PHIP: variants seen among roughly 807,000 people sequenced by gnomAD.
PHIP encodes the protein PHIP subunit of CUL4-Ring ligase complex.
PHIP carries 54 observed loss-of-function variants against 236.8 expected under a neutral mutation model. The observed-to-expected ratio is 0.23, with a 90% CI of 0.18 to 0.29. PHIP has a LOEUF of 0.29. Ranked by LOEUF, PHIP falls within the 10% of genes least tolerant of loss-of-function variation. PHIP has a pLI of 1.00. For synonymous variants in PHIP, 756 were observed against 718.9 expected (o/e 1.05, Z -0.83); for missense variants, 1,370 against 2,190.8 (o/e 0.63, Z 7.48).
chr6:78,941,210 T>C lies in PHIP; in HGVS notation c.4949A>G (p.Asn1650Ser), dbSNP rs767510206. The C allele has an allele frequency of 5.6e-6, 9 of 1,614,052 alleles. No individual in the cohort carries two copies. Among genetic ancestry groups the C allele is most frequent in the South Asian group, 2.2e-5 (2 of 91,070 alleles). ...GRKPKVEVNT[N>S]SGEIIHKKRG... ...TTTCTTGTGTATAATTTCACCACTATTGGTATTAACTTCTACTTTAGGTTT... is the reference window on the plus strand; with the variant it reads ...TTTCTTGTGTATAATTTCACCACTACTGGTATTAACTTCTACTTTAGGTTT... The change falls in exon 40 of 40, where the codon AAT (asparagine) becomes AGT (serine). Residue 1650 changes from asparagine (N) to serine (S), a missense_variant. Physicochemically the swap from Asn to Ser is conservative, Grantham distance 46. This residue lies in a region of PHIP where 309 missense variants were observed against 328.3 expected (regional missense o/e 0.94). Coordinates refer to ENST00000275034, the MANE Select transcript of PHIP (RefSeq NM_017934.7).
At chr6:78,974,692 T>A (rs990120437) in intron 24 of PHIP, among the ~76,000 whole-genome samples, 1 of 151,902 alleles carries the variant, frequency 6.6e-6, no homozygotes, top group African/African-American at 2.4e-5. Flanking sequence ...AAAGGGGATA[T>A]CACCACCGAT....
At chr6:78,970,702 A>T in intron 25 of PHIP, 79 bp downstream of exon 25, 1 of 884,020 alleles carries the variant, frequency 1.1e-6, no homozygotes, top group Non-Finnish European at 1.8e-6. Flanking sequence ...TATTGTGTTA[A>T]TAGTAACCTT....
At chr6:79,040,710 T>C (rs541060350) in intron 7 of PHIP, among the ~76,000 whole-genome samples, 2 of 152,190 alleles carry the variant, frequency 1.3e-5, no homozygotes, top group East Asian at 1.9e-4. Context: ...CTACCACCAC[T>C]TGAAGTGAAA....
intron 6 of PHIP, among the ~76,000 whole-genome samples, chr6:79,056,635 C>T (rs1773088578): frequency 6.6e-6 from 1 of 152,030 alleles, no homozygotes; most frequent in Non-Finnish European, 1.5e-5. Context: ...GCCAGGGATG[C>T]TAATAAACAT....
intron 6 of PHIP, among the ~76,000 whole-genome samples, chr6:79,044,972 A>G (rs1473046322): frequency 1.3e-5 from 2 of 152,164 alleles, no homozygotes; most frequent in African/African-American, 2.4e-5. Flanking sequence ...AAAAAGAATA[A>G]CCTTTTCAAA....
intron 9 of PHIP, among the ~76,000 whole-genome samples, chr6:79,023,647 T>G (rs773268206): frequency 1.3e-5 from 2 of 151,940 alleles, no homozygotes; most frequent in Admixed American, 6.6e-5. Context: ...CCTAATTATA[T>G]CTATATAAAA....
intron 6 of PHIP, among the ~76,000 whole-genome samples, chr6:79,049,074 C>CT (rs759656243): frequency 0.046 from 6,681 of 144,948 alleles, 148 homozygotes; most frequent in Middle Eastern, 0.069. Context: ...ACTAGTTTTA[C>CT]TTTTTTTTTT....
chr6:78,997,921 T>C (rs1388155134), intron 18 of PHIP, among the ~76,000 whole-genome samples: 1 of 152,208 alleles, frequency 6.6e-6, no homozygotes, highest in Non-Finnish European at 1.5e-5. Flanking sequence ...AGAGTATTAA[T>C]GGTTCATAAA....
intron 7 of PHIP, among the ~76,000 whole-genome samples, chr6:79,038,137 C>G (rs889807603): frequency 6.6e-6 from 1 of 152,222 alleles, no homozygotes; most frequent in African/African-American, 2.4e-5. Flanking sequence ...TAAAACAGAA[C>G]ATTTTTTGGT....
At chr6:78,955,191 A>G (rs2127691293) in intron 34 of PHIP, 41 bp downstream of exon 34, 2 of 1,371,712 alleles carry the variant, frequency 1.5e-6, no homozygotes, top group Non-Finnish European at 2.0e-6. Flanking sequence ...ATACATTTTA[A>G]TTCATATAAA....
chr6:79,076,124 C>A (rs1475443123), intron 4 of PHIP, among the ~76,000 whole-genome samples: 11 of 152,122 alleles, frequency 7.2e-5, no homozygotes, highest in Non-Finnish European at 2.9e-5. Flanking sequence ...ACCTCAGTAC[C>A]CTTGCTTATT....
intron 24 of PHIP, among the ~76,000 whole-genome samples, chr6:78,974,709 G>A (rs557538004): frequency 1.3e-5 from 2 of 152,268 alleles, no homozygotes; most frequent in South Asian, 4.2e-4. Context: ...CGATCCCACA[G>A]AAATACAAAC....
At chr6:78,982,473 C>T (rs1043193675) in intron 23 of PHIP, among the ~76,000 whole-genome samples, 12 of 151,962 alleles carry the variant, frequency 7.9e-5, no homozygotes, top group Non-Finnish European at 1.6e-4. Context: ...CATTTCTACT[C>T]TGTGTGATGT....
At chr6:79,008,171 C>A (rs1362765679) in intron 15 of PHIP, among the ~76,000 whole-genome samples, 5 of 149,604 alleles carry the variant, frequency 3.3e-5, no homozygotes, top group Admixed American at 3.3e-4. Context: ...AGCCTGGTGA[C>A]AGAGCAAGAC....
intron 35 of PHIP, among the ~76,000 whole-genome samples, chr6:78,949,675 ACT>A (rs1372219665): frequency 6.8e-6 from 1 of 147,810 alleles, no homozygotes; most frequent in African/African-American, 2.5e-5. Flanking sequence ...CTTTTCTGGG[ACT>A]CTTTTTTACT....
At chr6:79,044,099 C>A (rs1012762214) in intron 6 of PHIP, among the ~76,000 whole-genome samples, 1 of 151,980 alleles carries the variant, frequency 6.6e-6, no homozygotes. Context: ...CCGCTGCCCC[C>A]ACCCCAAACC....
intron 24 of PHIP, among the ~76,000 whole-genome samples, chr6:78,974,618 T>C (rs534540782): frequency 6.9e-4 from 105 of 152,166 alleles, no homozygotes; most frequent in Middle Eastern, 3.4e-3. Context: ...ACAAAATCGA[T>C]AGACCGCCAG....
At chr6:79,024,786 C>T (rs1229535918) in intron 9 of PHIP, among the ~76,000 whole-genome samples, 1 of 152,054 alleles carries the variant, frequency 6.6e-6, no homozygotes, top group African/African-American at 2.4e-5. Flanking sequence ...GCCTGGGCGA[C>T]ACAGTGAGAC....
At chr6:78,969,421 A>T (rs1005122100) in intron 27 of PHIP, among the ~76,000 whole-genome samples, 42 of 152,312 alleles carry the variant, frequency 2.8e-4, no homozygotes, top group African/African-American at 1.0e-3. Flanking sequence ...AGTTTCTTTG[A>T]GACTTGTTTA....
Sources: gnomAD v4.1 joint callset for allele counts (sites outside exome capture counted in the v4.1 genomes callset) on GRCh38, gnomAD v4.1.1 for gene constraint, gnomAD v4.1.1 regional missense constraint, MANE v1.5 for transcripts, NCBI Gene and HGNC (gene_info 2026-07-23, HGNC 2026-07-21) for gene names.